FER1L6: variants seen among roughly 807,000 people sequenced by gnomAD.
The protein encoded by FER1L6 is fer-1-like protein 6.
A neutral mutation model predicts 219.2 loss-of-function variants in FER1L6; 177 were observed. That is an observed-to-expected ratio of 0.81 (90% confidence interval 0.71 to 0.91). FER1L6 has a LOEUF of 0.91. Ranked by LOEUF, FER1L6 falls within the 40% of genes least tolerant of loss-of-function variation. FER1L6 has a pLI of 0.00. For synonymous variants in FER1L6, 768 were observed against 824.3 expected, an observed-to-expected ratio of 0.93 and a Z score of 1.17; for missense variants, 2,153 against 2,259.9, an observed-to-expected ratio of 0.95 and a Z score of 0.96.
chr8:124,094,598 G>A (rs1352850181), intron 34 of FER1L6, among the ~76,000 whole-genome samples: 1 of 152,060 alleles, frequency 6.6e-6, no homozygotes, highest in Admixed American at 6.6e-5. Flanking sequence ...CGATTCTCCT[G>A]CCTCAGCCTC....
At chr8:123,862,374 G>A (rs1380442124) in intron 1 of FER1L6, among the ~76,000 whole-genome samples, 6 of 130,760 alleles carry the variant, frequency 4.6e-5, no homozygotes, top group East Asian at 2.0e-4. Flanking sequence ...TGCTGGATTC[G>A]GTTTGCCAGT....
At chr8:123,874,345 C>A (rs894901122) in intron 1 of FER1L6, among the ~76,000 whole-genome samples, 1 of 152,144 alleles carries the variant, frequency 6.6e-6, no homozygotes, top group African/African-American at 2.4e-5. Flanking sequence ...GTCACGTTAC[C>A]TATCCCTCAG....
chr8:123,963,283 C>T lies in FER1L6; in HGVS notation c.82C>T (p.Gln28Ter). Reference sequence around the variant, plus strand: ...TCCTTTGTTTGCTTCTCCAGATAGTCAAGGTGACACTGAAGCACTGCAGGA... The same window carrying T: ...TCCTTTGTTTGCTTCTCCAGATAGTTAAGGTGACACTGAAGCACTGCAGGA... ...ILANKAAKDSQGDTEALQEEP... is the reference protein window; with the variant it reads ...ILANKAAKDS Residue 28 changes from glutamine to a stop codon, truncating the protein, a stop_gained, in exon 3 of 41, where the codon CAA (glutamine) becomes TAA (stop). Coordinates refer to ENST00000522917, the MANE Select transcript of FER1L6 (RefSeq NM_001039112.2). LOFTEE classifies it high-confidence loss of function. 6.2e-7 allele frequency: 1 copy of T among 1,613,954 alleles called. No individual in the cohort carries two copies. Among genetic ancestry groups the T allele is most frequent in the Non-Finnish European group, 8.5e-7 (1 of 1,179,900 alleles).
chr8:124,081,533 T>C (rs1821551146), intron 32 of FER1L6, among the ~76,000 whole-genome samples: 1 of 150,126 alleles, frequency 6.7e-6, no homozygotes, highest in African/African-American at 2.5e-5. Context: ...TGAGATCTCT[T>C]ACAGTTCACG....
chr8:123,897,239 C>T (rs1233099684), intron 1 of FER1L6, among the ~76,000 whole-genome samples: 3 of 152,100 alleles, frequency 2.0e-5, no homozygotes, highest in African/African-American at 7.2e-5. Context: ...CTCTGGATAC[C>T]AACCAGGATA....
rs546321592 is a variant in FER1L6, at chr8:124,095,854, G to T, written c.4695+816G>T. Among the ~76,000 whole-genome samples the T allele has an allele frequency of 2.0e-5, 3 of 152,336 alleles. No individual in the cohort carries two copies. In the East Asian group the frequency reaches 5.8e-4, roughly 29 times the overall value. On this transcript the variant is annotated intron_variant, in intron 35 of 40. Coordinates refer to ENST00000522917, the MANE Select transcript of FER1L6 (RefSeq NM_001039112.2). ...TTTACAATGAGGAAATTGAAGTTCA[G>T]AGAGCTCAATTAATTTGCTCTGAAT...
At chr8:123,936,464 T>TTG (rs1401597231) in intron 1 of FER1L6, among the ~76,000 whole-genome samples, 1 of 97,524 alleles carries the variant, frequency 1.0e-5, no homozygotes, top group Non-Finnish European at 2.0e-5. Flanking sequence ...TGCAGCCTGT[T>TTG]TTTTTTTTTT....
intron 39 of FER1L6, among the ~76,000 whole-genome samples, chr8:124,114,056 T>C (rs1015475938): frequency 6.6e-6 from 1 of 152,202 alleles, no homozygotes; most frequent in African/African-American, 2.4e-5. Flanking sequence ...AATTATTTCA[T>C]TGGTTTTATA....
intron 1 of FER1L6, among the ~76,000 whole-genome samples, chr8:123,953,352 G>A (rs189395879): frequency 2.0e-4 from 31 of 152,124 alleles, no homozygotes; most frequent in Admixed American, 1.4e-3. Context: ...CCTGAGCTGC[G>A]CCTAGACCAC....
intron 32 of FER1L6, among the ~76,000 whole-genome samples, chr8:124,081,273 C>T (rs1032388855): frequency 6.6e-6 from 1 of 152,136 alleles, no homozygotes. Context: ...TTCCCTATAA[C>T]GCAGTTAATT....
At chr8:123,865,712 G>A (rs1193662435) in intron 1 of FER1L6, among the ~76,000 whole-genome samples, 1 of 151,330 alleles carries the variant, frequency 6.6e-6, no homozygotes, top group Non-Finnish European at 1.5e-5. Context: ...GGTCTGAAAA[G>A]CGCAATATTC....
intron 1 of FER1L6, among the ~76,000 whole-genome samples, chr8:123,912,968 C>T (rs1338864946): frequency 4.6e-5 from 7 of 152,104 alleles, no homozygotes; most frequent in African/African-American, 1.4e-4. Context: ...GTGTTAGACC[C>T]ATCTCTTCAC....
chr8:123,966,896 A>G (rs1270029396), intron 5 of FER1L6, among the ~76,000 whole-genome samples: 1 of 152,126 alleles, frequency 6.6e-6, no homozygotes, highest in Non-Finnish European at 1.5e-5. Flanking sequence ...CCTGGCTAAC[A>G]TGGTGAAACC....
chr8:123,895,876 T>G (rs1026094022), intron 1 of FER1L6, among the ~76,000 whole-genome samples: 11 of 152,162 alleles, frequency 7.2e-5, no homozygotes, highest in Non-Finnish European at 1.5e-4. Context: ...GTTATTGATG[T>G]TCTGTGCTGA....
chr8:123,905,931 G>A (rs996883856), intron 1 of FER1L6, among the ~76,000 whole-genome samples: 1 of 152,158 alleles, frequency 6.6e-6, no homozygotes, highest in Non-Finnish European at 1.5e-5. Flanking sequence ...GCAATACGGG[G>A]TTTTTTGAAG....
rs572856817 is a variant in FER1L6, at chr8:123,977,419, G to C, written c.873G>C (p.Gly291=). The change falls in exon 10 of 41, where the codon GGG becomes GGC. Residue 291 remains glycine, a splice_region_variant and synonymous_variant. Coordinates refer to ENST00000522917, the MANE Select transcript of FER1L6 (RefSeq NM_001039112.2). ...FVEVSFAGQM[G]RTTVQKNCAD... ...TGTCCTCCTGGCTGTGTTTTTAGGG[G>C]CGAACCACAGTGCAGAAGAACTGTG... is the stretch of plus-strand genomic sequence containing the variant. 2 of 1,612,374 alleles carry C rather than the reference G, an allele frequency of 1.2e-6. No individual in the cohort carries two copies. Among genetic ancestry groups the C allele is most frequent in the East Asian group, 2.2e-5 (1 of 44,844 alleles).
intron 31 of FER1L6, among the ~76,000 whole-genome samples, chr8:124,072,507 T>C (rs1430318590): frequency 2.0e-5 from 3 of 152,258 alleles, no homozygotes; most frequent in African/African-American, 7.2e-5. Flanking sequence ...AATGCTCTTA[T>C]TTTATATCAA....
In FER1L6 at chr8:123,852,471, C is replaced by CGTGT. The variant is rs61303449; in HGVS notation, c.-8+325_-8+328dup. On this transcript the variant is annotated intron_variant, in intron 1 of 40. Transcript: ENST00000522917. The surrounding 1 kb of genome is among the most constrained non-coding windows in gnomAD (Gnocchi z 4.9). ...GCTTGAACTCCATGTTGTGAGCATG[C>CGTGT]GTGTGTGTGTGTGTGTGTGTGTGTG... is the stretch of plus-strand genomic sequence containing the variant. 0.014 allele frequency among the ~76,000 whole-genome samples: 1,900 copies of CGTGT among 140,004 alleles called. 19 individuals carry two copies. The highest frequency in any genetic ancestry group is 0.031 in the African/African-American group (1,140 of 36,880). 91.8% of individuals were successfully genotyped at this position (140,004 alleles called of 152,430 possible).
intron 1 of FER1L6, among the ~76,000 whole-genome samples, chr8:123,901,602 T>C (rs1812857596): frequency 6.6e-6 from 1 of 152,148 alleles, no homozygotes; most frequent in African/African-American, 2.4e-5. Flanking sequence ...AGAATGTCAG[T>C]TAGTGCACTT....
Sources: gnomAD v4.1 joint callset for allele counts (sites outside exome capture counted in the v4.1 genomes callset) on GRCh38, gnomAD v4.1.1 for gene constraint, Gnocchi (gnomAD v3.1) non-coding constraint, MANE v1.5 for transcripts, NCBI Gene and HGNC (gene_info 2026-07-23, HGNC 2026-07-21) for gene names.